Variants in DCC observed in about 807,000 individuals in gnomAD.
DCC encodes the protein netrin receptor DCC.
DCC carries 58 observed loss-of-function variants against 172.5 expected under a neutral mutation model. That is an observed-to-expected ratio of 0.34 (90% CI 0.27 to 0.42). The LOEUF (loss-of-function observed/expected upper bound fraction) is 0.42, where lower values mean the gene tolerates loss of function less well. Ranked by LOEUF, DCC falls within the 10% of genes least tolerant of loss-of-function variation. The pLI is 1.00. For missense variants in DCC, 1,740 were observed against 1,791.0 expected (o/e 0.97, Z 0.51); for synonymous variants, 709 against 644.5 (o/e 1.10, Z -1.52).
intron 2 of DCC, among the ~76,000 whole-genome samples, chr18:52,842,972 G>A (rs897253203): frequency 2.0e-5 from 3 of 152,144 alleles, no homozygotes; most frequent in Admixed American, 2.0e-4. Context: ...TTTGAACTTG[G>A]TTACTAATTT....
At chr18:52,616,764 GC>G (rs2034389623) in intron 1 of DCC, among the ~76,000 whole-genome samples, 1 of 152,210 alleles carries the variant, frequency 6.6e-6, no homozygotes, top group African/African-American at 2.4e-5. Flanking sequence ...GGTGTTATTT[GC>G]CCTAGAATCA....
rs1369435295 is a variant in DCC at position 53,159,004 on chromosome 18, AAG to A, written c.1418+1494_1418+1495del. ...ACGCCATCTCAAAAAAAAAAAAAAA[AAG>A]AAGAAGATGTAGGCATACCCATATT... is the stretch of plus-strand genomic sequence containing the variant. On this transcript the variant is annotated intron_variant, in intron 8 of 28. Coordinates refer to ENST00000442544, the MANE Select transcript of DCC (RefSeq NM_005215.4). Among the ~76,000 whole-genome samples the A allele has an allele frequency of 1.5e-4, 22 of 146,960 alleles. 1 individual carries two copies. Among genetic ancestry groups the A allele is most frequent in the African/African-American group, 4.2e-4 (17 of 40,176 alleles).
intron 1 of DCC, among the ~76,000 whole-genome samples, chr18:52,668,484 G>T (rs552611726): frequency 2.0e-5 from 3 of 152,158 alleles, no homozygotes; most frequent in Non-Finnish European, 4.4e-5. Flanking sequence ...TAGTTCACAA[G>T]ATGATCTCTC....
At position 53,416,168 on chromosome 18, in the gene DCC, C is replaced by T. The variant is rs1910299752; in HGVS notation, c.3163+12C>T. On this transcript the variant is annotated intron_variant, in intron 21 of 28. Coordinates refer to ENST00000442544, the MANE Select transcript of DCC (RefSeq NM_005215.4). ...GGCTAATGACCAAGGTATGGTGGCT[C>T]AATCTGTCATTTTGTGTTCCTTGAA... 7 of 1,595,964 alleles carry T rather than the reference C, an allele frequency of 4.4e-6. No homozygotes were observed. The highest frequency in any genetic ancestry group is 6.0e-6 in the Non-Finnish European group (7 of 1,163,626).
chr18:53,250,909 C>G (rs751454257), intron 12 of DCC, among the ~76,000 whole-genome samples: 1 of 151,898 alleles, frequency 6.6e-6, no homozygotes, highest in Non-Finnish European at 1.5e-5. Context: ...CTGTTCTCAT[C>G]GAGGTCATCC....
chr18:52,677,138 G>A (rs962881457), intron 1 of DCC, among the ~76,000 whole-genome samples: 1 of 151,924 alleles, frequency 6.6e-6, no homozygotes, highest in African/African-American at 2.4e-5. Context: ...TTATGAAACG[G>A]GCCTTAATTC....
chr18:52,719,445 G>A (rs984619370), intron 1 of DCC, among the ~76,000 whole-genome samples: 1 of 152,082 alleles, frequency 6.6e-6, no homozygotes, highest in African/African-American at 2.4e-5. Context: ...GGGCTCCGAC[G>A]GGGAGGTTAT....
chr18:52,896,734 T>C (rs1407448745), intron 2 of DCC, among the ~76,000 whole-genome samples: 2 of 152,116 alleles, frequency 1.3e-5, no homozygotes, highest in Non-Finnish European at 2.9e-5. Context: ...TCAAAGATAT[T>C]GATGGGACAA....
intron 7 of DCC, among the ~76,000 whole-genome samples, chr18:53,142,127 C>T (rs1453387268): frequency 6.6e-6 from 1 of 152,202 alleles, no homozygotes; most frequent in Non-Finnish European, 1.5e-5. Flanking sequence ...AATGGAATGA[C>T]ACAGGAATGT....
rs185250229 is a variant in DCC at position 53,339,978 on chromosome 18, G to A, written c.2359+71G>A. On this transcript the variant is annotated intron_variant, in intron 15 of 28. Coordinates refer to ENST00000442544, the MANE Select transcript of DCC (RefSeq NM_005215.4). ...TTTATTTTGAATTATTGTATTTCTT[G>A]GAAAACTGTTCCCTGGTATGATGGT... is the stretch of plus-strand genomic sequence containing the variant. 2.9e-6 allele frequency: 4 copies of A among 1,398,138 alleles called. No individual in the cohort carries two copies. The African/African-American group carries it at 5.8e-5, about 20-fold the overall frequency. The allele number at this position is 1,398,138 out of a possible 1,614,324, so 86.6% of individuals were successfully genotyped here.
At chr18:53,083,930 A>G (rs993022226) in intron 7 of DCC, among the ~76,000 whole-genome samples, 5 of 152,234 alleles carry the variant, frequency 3.3e-5, no homozygotes, top group Admixed American at 1.3e-4. Context: ...GTCAAACTGT[A>G]ACAACCTTTC....
At chr18:53,307,098 AT>A (rs1160894255) in intron 13 of DCC, among the ~76,000 whole-genome samples, 1 of 152,020 alleles carries the variant, frequency 6.6e-6, no homozygotes, top group African/African-American at 2.4e-5. Flanking sequence ...TTGTTTATTT[AT>A]TTTTTCTTCT....
chr18:53,236,529 T>G (rs538240321), intron 12 of DCC, among the ~76,000 whole-genome samples: 2 of 152,184 alleles, frequency 1.3e-5, no homozygotes, highest in South Asian at 4.1e-4. Context: ...GCTTTGGTAT[T>G]GTTAGTATTT....
intron 12 of DCC, among the ~76,000 whole-genome samples, chr18:53,266,509 C>A (rs1484310295): frequency 6.6e-6 from 1 of 152,218 alleles, no homozygotes; most frequent in Non-Finnish European, 1.5e-5. Flanking sequence ...CCTTTGATCC[C>A]TTCCCTGTGC....
intron 3 of DCC, among the ~76,000 whole-genome samples, chr18:52,915,660 A>G (rs2040029476): frequency 6.6e-6 from 1 of 152,128 alleles, no homozygotes; most frequent in Non-Finnish European, 1.5e-5. Flanking sequence ...TTAACAAATT[A>G]TTGCTGAAAT....
At chr18:53,282,087 G>A (rs746929237) in intron 12 of DCC, among the ~76,000 whole-genome samples, 3 of 152,032 alleles carry the variant, frequency 2.0e-5, no homozygotes. Flanking sequence ...TACCTACAAC[G>A]TACTTCACAT....
chr18:53,416,020 G>GTGCC, intron 20 of DCC, 104 bp from the exon 21 acceptor site: 2 of 815,544 alleles, frequency 2.5e-6, no homozygotes, highest in Non-Finnish European at 4.2e-6. Context: ...GAGGGCACTA[G>GTGCC]CTTTGAAATA....
intron 12 of DCC, among the ~76,000 whole-genome samples, chr18:53,241,093 TGAGGCTG>T (rs1369582330): frequency 2.0e-5 from 3 of 152,210 alleles, no homozygotes; most frequent in African/African-American, 7.2e-5. Context: ...AATTTGACCC[TGAGGCTG>T]GGAAGTAATG....
At chr18:53,423,605 C>A (rs761600732) in intron 21 of DCC, among the ~76,000 whole-genome samples, 2 of 152,180 alleles carry the variant, frequency 1.3e-5, no homozygotes, top group Non-Finnish European at 2.9e-5. Flanking sequence ...ACTCCCTTCT[C>A]AATTTTACTT....
Sources: allele counts gnomAD v4.1 joint callset (sites outside exome capture counted in the v4.1 genomes callset), GRCh38; gene constraint gnomAD v4.1.1; transcripts MANE v1.5; gene names NCBI Gene and HGNC (gene_info 2026-07-23, HGNC 2026-07-21).